Variants in EYA2 observed in about 807,000 individuals in gnomAD.
The protein encoded by EYA2 is EYA transcriptional coactivator and phosphatase 2.
A neutral mutation model predicts 69.2 loss-of-function variants in EYA2; 31 were observed. That is an observed-to-expected ratio of 0.45 (90% CI 0.34 to 0.60). The LOEUF (loss-of-function observed/expected upper bound fraction) is 0.60, where lower values mean the gene tolerates loss of function less well. EYA2 is among the 20% of genes least tolerant of loss of function. EYA2 has a pLI of 0.02. For missense variants in EYA2, 622 were observed against 701.2 expected (o/e 0.89, Z 1.28); for synonymous variants, 257 against 279.4 (o/e 0.92, Z 0.80).
chr20:47,030,704 C>T (rs953266514), intron 5 of EYA2, among the ~76,000 whole-genome samples: 21 of 151,762 alleles, frequency 1.4e-4, no homozygotes, highest in Admixed American at 5.3e-4. Flanking sequence ...TGTATATGCT[C>T]GCTCTGTGAA....
intron 5 of EYA2, among the ~76,000 whole-genome samples, chr20:47,029,112 A>AT (rs1354629366): frequency 6.6e-6 from 1 of 152,186 alleles, no homozygotes; most frequent in Non-Finnish European, 1.5e-5. Flanking sequence ...TATCATGACC[A>AT]TGGAGAGAAC....
intron 5 of EYA2, among the ~76,000 whole-genome samples, chr20:47,058,727 C>A (rs533398465): frequency 1.3e-5 from 2 of 152,262 alleles, no homozygotes; most frequent in African/African-American, 4.8e-5. Context: ...GTAGTCCCTG[C>A]TACTTGGGAG....
At chr20:46,958,283 T>C (rs1367318335) in intron 1 of EYA2, among the ~76,000 whole-genome samples, 1 of 152,200 alleles carries the variant, frequency 6.6e-6, no homozygotes, top group Non-Finnish European at 1.5e-5. Flanking sequence ...CCACAGGCTC[T>C]CCTGCTCCTT....
chr20:47,107,525 CAAAA>C (rs111607473), intron 9 of EYA2, among the ~76,000 whole-genome samples: 39 of 125,246 alleles, frequency 3.1e-4, no homozygotes, highest in African/African-American at 1.1e-3. Context: ...GACTCTGTAT[CAAAA>C]AAAAAAAAAA....
intron 9 of EYA2, among the ~76,000 whole-genome samples, chr20:47,124,940 A>G (rs945202192): frequency 6.6e-6 from 1 of 152,072 alleles, no homozygotes; most frequent in Admixed American, 6.5e-5. Context: ...ACCGGTTTCA[A>G]CATCTTTCTT....
chr20:46,931,871 T>C (rs569718816), intron 1 of EYA2, among the ~76,000 whole-genome samples: 1 of 151,928 alleles, frequency 6.6e-6, no homozygotes, highest in South Asian at 2.1e-4. Flanking sequence ...TCTCCACCAA[T>C]AGGAGTCTCA....
chr20:46,964,788 G>A (rs1315995802), intron 1 of EYA2, among the ~76,000 whole-genome samples: 1 of 152,204 alleles, frequency 6.6e-6, no homozygotes, highest in Non-Finnish European at 1.5e-5. Context: ...TGTGTAGCTG[G>A]CACTCCAGCC....
At position 47,146,401 on chromosome 20, in the gene EYA2, C is replaced by T. The variant is rs78177870; in HGVS notation, c.978+3253C>T. 9.0e-3 allele frequency among the ~76,000 whole-genome samples: 1,371 copies of T among 152,266 alleles called. 18 individuals carry two copies. Among genetic ancestry groups the T allele is most frequent in the African/African-American group, 0.03 (1,248 of 41,530 alleles). On this transcript the variant is annotated intron_variant, in intron 10 of 15. Transcript: ENST00000327619. The stretch of plus-strand genomic sequence containing the variant: ...CAAGCTGATGTCTTCAGAGTCTTGC[C>T]CCACTCTGCTGTTTCTGTCTGGCCC...
At position 46,966,114 on chromosome 20, in the gene EYA2, G is replaced by A. The variant is rs1431233965; in HGVS notation, c.-10-23887G>A. ...TCTTAACAACCAGGATATGAACGAGGCAACCTCTTACAGTCTTTTTTTCTT... is the reference window on the plus strand; with the variant it reads ...TCTTAACAACCAGGATATGAACGAGACAACCTCTTACAGTCTTTTTTTCTT... On this transcript the variant is annotated intron_variant, in intron 1 of 15. Coordinates refer to ENST00000327619, the MANE Select transcript of EYA2 (RefSeq NM_005244.5). 5.3e-5 allele frequency among the ~76,000 whole-genome samples: 8 copies of A among 152,154 alleles called. No individual in the cohort carries two copies. The East Asian group carries it at 1.3e-3, about 26-fold the overall frequency.
At chr20:47,168,871 A>G (rs2034260278) in intron 10 of EYA2, among the ~76,000 whole-genome samples, 1 of 151,982 alleles carries the variant, frequency 6.6e-6, no homozygotes, top group Admixed American at 6.6e-5. Context: ...TTAATGCAAA[A>G]CTCTCTCTGT....
At chr20:47,175,218 G>C (rs6124960) in intron 12 of EYA2, among the ~76,000 whole-genome samples, 59,626 of 152,156 alleles carry the variant, frequency 0.39, 12,518 homozygotes, top group Non-Finnish European at 0.48. Flanking sequence ...CATGGCCGTG[G>C]CTTCCAGCCC....
intron 12 of EYA2, 151 bp downstream of exon 12, chr20:47,173,018 G>C: frequency 1.2e-6 from 1 of 839,554 alleles, no homozygotes; most frequent in Non-Finnish European, 1.8e-6. Flanking sequence ...CTTCGGAATA[G>C]AGCACTGGGA....
intron 10 of EYA2, among the ~76,000 whole-genome samples, chr20:47,167,265 G>GAA (rs200925903): frequency 0.015 from 2,170 of 149,070 alleles, 50 homozygotes; most frequent in African/African-American, 0.05. Context: ...TCTGAGAGGA[G>GAA]AATCGGTTTT....
At chr20:46,918,800 C>T (rs1985046909) in intron 1 of EYA2, among the ~76,000 whole-genome samples, 1 of 152,182 alleles carries the variant, frequency 6.6e-6, no homozygotes, top group Admixed American at 6.5e-5. Flanking sequence ...ATTTACTTTG[C>T]CCAAATCTAT....
At chr20:46,988,350 G>A (rs1005947273) in intron 1 of EYA2, among the ~76,000 whole-genome samples, 3 of 151,964 alleles carry the variant, frequency 2.0e-5, no homozygotes, top group South Asian at 4.2e-4. Flanking sequence ...AATCTTCACC[G>A]TGACCATTTT....
intron 2 of EYA2, among the ~76,000 whole-genome samples, chr20:46,995,065 T>C (rs1273238732): frequency 3.3e-5 from 5 of 152,170 alleles, no homozygotes; most frequent in Non-Finnish European, 1.5e-5. Context: ...CACACCCAGC[T>C]AATTTTTGTA....
At chr20:46,946,274 G>A (rs540522285) in intron 1 of EYA2, among the ~76,000 whole-genome samples, 3 of 152,278 alleles carry the variant, frequency 2.0e-5, no homozygotes, top group East Asian at 1.9e-4. Context: ...CCGTGGAGAC[G>A]AGGTACATGG....
At chr20:46,956,898 GA>G in intron 1 of EYA2, among the ~76,000 whole-genome samples, 1 of 152,318 alleles carries the variant, frequency 6.6e-6, no homozygotes, top group South Asian at 2.1e-4. Flanking sequence ...CATGTGCAGG[GA>G]AACTCTGCTT....
chr20:47,071,985 C>T (rs2031329313), intron 5 of EYA2, 200 bp from the exon 6 acceptor site: 4 of 610,970 alleles, frequency 6.5e-6, no homozygotes, highest in Non-Finnish European at 8.8e-6. Flanking sequence ...GTAGGCGTCA[C>T]CAGAGGATTA....
Sources: gnomAD v4.1 joint callset for allele counts (sites outside exome capture counted in the v4.1 genomes callset) on GRCh38, gnomAD v4.1.1 for gene constraint, MANE v1.5 for transcripts, NCBI Gene and HGNC (gene_info 2026-07-23, HGNC 2026-07-21) for gene names.